The following MROH1 variants were observed in gnomAD, a reference collection of about 807,000 sequenced individuals.
MROH1 encodes maestro heat like repeat family member 1.
Under a neutral mutation model 116.5 loss-of-function variants are expected in MROH1, and 117 were observed. That is an observed-to-expected ratio of 1.00 (90% CI 0.86 to 1.17). MROH1 has a LOEUF of 1.17. Ranked by LOEUF, MROH1 falls within the 50% of genes most tolerant of loss-of-function variation. The probability of loss-of-function intolerance (pLI) is 0.00; values close to 1 mark genes in which losing one functional copy is unlikely to be tolerated. For synonymous variants in MROH1, 921 were observed against 583.9 expected, an observed-to-expected ratio of 1.58 and a Z score of -8.32; for missense variants, 1,873 against 1,338.5, an observed-to-expected ratio of 1.40 and a Z score of -6.23.
chr8:144,173,348 T>C (rs985898106), intron 4 of MROH1, among the ~76,000 whole-genome samples: 1 of 151,872 alleles, frequency 6.6e-6, no homozygotes, highest in African/African-American at 2.4e-5. Flanking sequence ...CCTCAAGCAA[T>C]CCACCTGCCT....
chr8:144,198,540 C>T (rs913687639), intron 10 of MROH1, among the ~76,000 whole-genome samples: 1 of 152,190 alleles, frequency 6.6e-6, no homozygotes. Flanking sequence ...ACTTCAGCCT[C>T]CTGAGTAGCT....
chr8:144,173,922 T>C (rs983717214), intron 4 of MROH1, among the ~76,000 whole-genome samples: 5 of 152,274 alleles, frequency 3.3e-5, no homozygotes, highest in African/African-American at 1.2e-4. Context: ...AAGAATTTTA[T>C]TGAGCGATGA....
intron 14 of MROH1, among the ~76,000 whole-genome samples, chr8:144,227,034 A>G (rs1357864019): frequency 6.6e-6 from 1 of 152,174 alleles, no homozygotes; most frequent in African/African-American, 2.4e-5. Context: ...TGCCATTGTA[A>G]TGGTACAATT....
intron 29 of MROH1, among the ~76,000 whole-genome samples, chr8:144,246,023 C>T (rs1404846340): frequency 7.6e-6 from 1 of 130,918 alleles, no homozygotes; most frequent in Admixed American, 7.4e-5. Flanking sequence ...CTTTCCCTCC[C>T]TCCCTCACCT....
intron 12 of MROH1, among the ~76,000 whole-genome samples, chr8:144,206,050 C>T (rs1037746164): frequency 3.9e-5 from 6 of 152,124 alleles, no homozygotes; most frequent in African/African-American, 1.2e-4. Flanking sequence ...TAAGAAGTGA[C>T]CTCTTTTATG....
chr8:144,248,841 C>G, intron 31 of MROH1, 36 bp from the exon 32 acceptor site: 1 of 773,228 alleles, frequency 1.3e-6, no homozygotes, highest in Non-Finnish European at 2.4e-6. Flanking sequence ...GGGGGTGCCC[C>G]CCTTCCCTCA....
rs1157057748 is a variant in MROH1, at chr8:144,238,880, C to G, written c.1446+17C>G. Reference sequence around the variant, plus strand: ...ATGAGTCACGTGAGTGCACGGCACCCGTCCCTGCCTGGCGACAACAGAGCT... The same window carrying G: ...ATGAGTCACGTGAGTGCACGGCACCGGTCCCTGCCTGGCGACAACAGAGCT... On this transcript the variant is annotated intron_variant, in intron 15 of 43. Transcript: ENST00000326134. The G allele has an allele frequency of 1.3e-6, 1 of 771,602 alleles. No individual in the cohort carries two copies. The highest frequency in any genetic ancestry group is 1.7e-5 in the African/African-American group (1 of 59,242). The allele number at this position is 771,602 out of a possible 1,614,324, so 47.8% of individuals were successfully genotyped here.
chr8:144,159,649 A>T (rs1170133757), intron 1 of MROH1, among the ~76,000 whole-genome samples: 1 of 152,150 alleles, frequency 6.6e-6, no homozygotes, highest in Non-Finnish European at 1.5e-5. Context: ...AATAGTTTTA[A>T]TAACTAATGT....
At chr8:144,238,166 G>GTTTTTTTTT (rs1323261757) in intron 14 of MROH1, among the ~76,000 whole-genome samples, 1 of 139,010 alleles carries the variant, frequency 7.2e-6, no homozygotes, top group African/African-American at 2.6e-5. Flanking sequence ...AAATATCACT[G>GTTTTTTTTT]TTTTTTTTTT....
At chr8:144,179,705 T>C in intron 5 of MROH1, 119 bp downstream of exon 5, 1 of 1,298,394 alleles carries the variant, frequency 7.7e-7, no homozygotes, top group African/African-American at 1.5e-5. Context: ...TGCCTTGGGC[T>C]GGCAGATGCC....
rs1825141737 is a variant in MROH1, at chr8:144,179,948, CG to C, written c.301-229del. On this transcript the variant is annotated intron_variant, in intron 5 of 43. Transcript: ENST00000326134. Reference sequence around the variant, plus strand: ...TCTCACCAGGGCTCTGCTGCTCCTGCGTGTGGGGTCTCCTCAGCAGCCCCTC... The same window carrying C: ...TCTCACCAGGGCTCTGCTGCTCCTGCTGTGGGGTCTCCTCAGCAGCCCCTC... Among the ~76,000 whole-genome samples, 37 of 147,624 alleles carry C rather than the reference CG, an allele frequency of 2.5e-4. No individual in the cohort carries two copies. The Admixed American group carries it at 2.5e-3, about 10-fold the overall frequency.
chr8:144,167,276 T>G (rs1587819208), intron 3 of MROH1, among the ~76,000 whole-genome samples: 1 of 92,430 alleles, frequency 1.1e-5, no homozygotes, highest in African/African-American at 4.6e-5. Flanking sequence ...GGTTGTTGGG[T>G]GGAGTGGCCG....
Position 144,244,253 on chromosome 8 carries a change from C to T in MROH1, c.2587C>T (p.Arg863Trp), listed in dbSNP as rs1003747264. 11 of 718,200 alleles carry T rather than the reference C, an allele frequency of 1.5e-5. No homozygotes were observed. Among genetic ancestry groups the T allele is most frequent in the Admixed American group, 4.0e-5 (2 of 50,000 alleles). 44.5% of individuals were successfully genotyped at this position (718,200 alleles called of 1,614,324 possible). A position where few individuals can be genotyped will look rare whatever the true frequency, so the allele number is the denominator to read the frequency against. ...GGAGCCAGCGCTGGACGAGCAGGCCCGGGCGGATGTGATCCATGGCTGCCT... is the reference window on the plus strand; with the variant it reads ...GGAGCCAGCGCTGGACGAGCAGGCCTGGGCGGATGTGATCCATGGCTGCCT... ...SVEPALDEQA[R>W]ADVIHGCLHS... The change falls in exon 27 of 44, where the codon CGG becomes TGG. Residue 863 changes from arginine to tryptophan, a missense_variant. By Grantham distance (101) the Arg-to-Trp change is moderately radical. Transcript: ENST00000326134.
At chr8:144,199,959 C>A (rs959019840) in intron 11 of MROH1, among the ~76,000 whole-genome samples, 1 of 152,186 alleles carries the variant, frequency 6.6e-6, no homozygotes, top group Non-Finnish European at 1.5e-5. Context: ...GGCTCTGGTC[C>A]GTGAAGTACT....
At chr8:144,220,065 C>A (rs1836376499) in intron 12 of MROH1, among the ~76,000 whole-genome samples, 1 of 152,222 alleles carries the variant, frequency 6.6e-6, no homozygotes, top group South Asian at 2.1e-4. Flanking sequence ...TTTTTATAGT[C>A]TCTCAGCCAC....
At chr8:144,260,402 A>G in intron 39 of MROH1, 28 bp downstream of exon 39, 2 of 704,900 alleles carry the variant, frequency 2.8e-6, no homozygotes, top group Admixed American at 4.0e-5. Context: ...GGGGGAGGGA[A>G]GAGGGCCCCA....
intron 14 of MROH1, among the ~76,000 whole-genome samples, chr8:144,233,144 A>C (rs1027912774): frequency 1.3e-5 from 2 of 152,028 alleles, no homozygotes; most frequent in Non-Finnish European, 2.9e-5. Flanking sequence ...TTGCTTTTTC[A>C]GTAAAACATT....
intron 36 of MROH1, 23 bp downstream of exon 36, chr8:144,258,937 A>C: frequency 1.4e-6 from 1 of 720,604 alleles, no homozygotes; most frequent in South Asian, 1.5e-5. Flanking sequence ...AGCCCACTGC[A>C]GCTCCAGCAC....
intron 14 of MROH1, among the ~76,000 whole-genome samples, chr8:144,235,318 A>G (rs1839869033): frequency 6.6e-6 from 1 of 152,024 alleles, no homozygotes; most frequent in Admixed American, 6.6e-5. Flanking sequence ...CTATAGTTTT[A>G]CTTCTTTTTT....
Sources: gnomAD v4.1 joint callset for allele counts (sites outside exome capture counted in the v4.1 genomes callset) on GRCh38, gnomAD v4.1.1 for gene constraint, MANE v1.5 for transcripts, NCBI Gene and HGNC (gene_info 2026-07-23, HGNC 2026-07-21) for gene names.